Variants in SFMBT2 observed in about 807,000 individuals in gnomAD.
SFMBT2 encodes the protein scm-like with four MBT domains protein 2.
SFMBT2 carries 38 observed loss-of-function variants against 110.1 expected under a neutral mutation model. The ratio of observed to expected loss-of-function variants is 0.35; its 90% CI spans 0.27 to 0.45. The LOEUF is 0.45. SFMBT2 is among the 20% of genes least tolerant of loss of function. SFMBT2 has a pLI of 1.00. For synonymous variants in SFMBT2, 425 were observed against 425.4 expected (o/e 1.00, Z 0.01); for missense variants, 1,011 against 1,094.9 (o/e 0.92, Z 1.08).
chr10:7,376,609 G>A (rs369728699), intron 2 of SFMBT2, among the ~76,000 whole-genome samples: 17 of 142,072 alleles, frequency 1.2e-4, no homozygotes, highest in Middle Eastern at 4.0e-3. Context: ...TGAGGCAGGA[G>A]AATGGCGTGA....
intron 8 of SFMBT2, chr10:7,244,086 C>T: frequency 1.2e-6 from 1 of 830,412 alleles, no homozygotes; most frequent in Non-Finnish European, 1.5e-6. Context: ...TCAGTGTCCA[C>T]AGCCAGCACC....
chr10:7,213,381 A>G (rs577233321), intron 11 of SFMBT2, among the ~76,000 whole-genome samples: 2 of 152,288 alleles, frequency 1.3e-5, no homozygotes, highest in South Asian at 4.1e-4. Flanking sequence ...CTGAAATCAC[A>G]GAGCCAGGGA....
At chr10:7,193,990 A>G (rs1440564743) in intron 15 of SFMBT2, among the ~76,000 whole-genome samples, 1 of 152,128 alleles carries the variant, frequency 6.6e-6, no homozygotes, top group African/African-American at 2.4e-5. Flanking sequence ...GACCCTACTG[A>G]GCATGGACAC....
chr10:7,163,670 C>T lies in SFMBT2; in HGVS notation c.*100G>A, dbSNP rs561170615. ...CTGGTTTTCTGGTGATACTTAGTGG[C>T]TGTACCATTTAACATATCCCGGAAA... On this transcript the variant is annotated 3_prime_UTR_variant, in exon 21 of 21. Transcript: ENST00000397167. This position sits in a 1 kb window ranked among gnomAD's most constrained non-coding sequence, Gnocchi z 4.8. 7 of 1,065,524 alleles carry T rather than the reference C, an allele frequency of 6.6e-6. No homozygotes were observed. The African/African-American group carries it at 1.1e-4, about 17-fold the overall frequency. 66.0% of individuals were successfully genotyped at this position (1,065,524 alleles called of 1,614,324 possible).
chr10:7,164,967 T>C lies in SFMBT2; in HGVS notation c.2545-1057A>G, dbSNP rs550863622. Among the ~76,000 whole-genome samples, 187 of 152,284 alleles carry C rather than the reference T, an allele frequency of 1.2e-3. 1 individual carries two copies. The highest frequency in any genetic ancestry group is 2.4e-3 in the Non-Finnish European group (165 of 68,014). On this transcript the variant is annotated intron_variant, in intron 20 of 20. Coordinates refer to ENST00000397167, the MANE Select transcript of SFMBT2 (RefSeq NM_001387889.1). The stretch of plus-strand genomic sequence containing the variant: ...AGCATACAAAGACCCACTCCAAAGC[T>C]CTAAGACCCTTCCACTGGACATCTC...
intron 11 of SFMBT2, chr10:7,207,459 A>G (rs4748765): frequency 2.7e-3 from 389 of 142,704 alleles, no homozygotes; most frequent in Non-Finnish European, 3.9e-3. Context: ...GAAAGAAAGA[A>G]AAAGAAAGAA....
rs552851890 is a variant in SFMBT2 at position 7,171,907 on chromosome 10, G to A, written c.2403C>T (p.Pro801=). Residue 801 remains proline (P), a synonymous_variant, in exon 19 of 21, where the codon CCC becomes CCT. Coordinates refer to ENST00000397167, the MANE Select transcript of SFMBT2 (RefSeq NM_001387889.1). This position sits in a 1 kb window ranked among gnomAD's most constrained non-coding sequence, Gnocchi z 4.9. ...EEGEKCPPTK[P]EGTEDTKQEE... ...GCCCGGGCATCACCTCTGTCCCCTCGGGCTTGGTCGGCGGGCACTTCTCCC... is the reference window on the plus strand; with the variant it reads ...GCCCGGGCATCACCTCTGTCCCCTCAGGCTTGGTCGGCGGGCACTTCTCCC... 8.0e-5 allele frequency: 115 copies of A among 1,433,990 alleles called. No individual in the cohort carries two copies. In the South Asian group the frequency reaches 9.9e-4, roughly 12 times the overall value. 88.8% of individuals were successfully genotyped at this position (1,433,990 alleles called of 1,614,324 possible).
chr10:7,387,509 G>A (rs7100796), intron 1 of SFMBT2, among the ~76,000 whole-genome samples: 5,750 of 152,034 alleles, frequency 0.038, 367 homozygotes, highest in African/African-American at 0.13. Context: ...GGAATCCCAC[G>A]AAGGACAAGA....
intron 1 of SFMBT2, among the ~76,000 whole-genome samples, chr10:7,400,777 G>C (rs1564476482): frequency 6.6e-6 from 1 of 152,212 alleles, no homozygotes; most frequent in Non-Finnish European, 1.5e-5. Context: ...CACTCAGTTA[G>C]AAAAGCCCTG....
At chr10:7,263,974 T>C in intron 7 of SFMBT2, 1 of 216,304 alleles carries the variant, frequency 4.6e-6, no homozygotes, top group Non-Finnish European at 7.9e-6. Context: ...AAATCTATAA[T>C]CACACTGACA....
Position 7,329,188 on chromosome 10 carries a change from G to C in SFMBT2, c.436+38461C>G, listed in dbSNP as rs151084317. Reference sequence around the variant, plus strand: ...TCACGGACTAAGAAATGTCATGGCTGAGGCTAAAATGACAGCGGACAGATG... The same window carrying C: ...TCACGGACTAAGAAATGTCATGGCTCAGGCTAAAATGACAGCGGACAGATG... On this transcript the variant is annotated intron_variant, in intron 4 of 20. Coordinates refer to ENST00000397167, the MANE Select transcript of SFMBT2 (RefSeq NM_001387889.1). 6.2e-4 allele frequency among the ~76,000 whole-genome samples: 94 copies of C among 152,360 alleles called. No homozygotes were observed. In the East Asian group the frequency reaches 0.017, roughly 27 times the overall value.
intron 2 of SFMBT2, among the ~76,000 whole-genome samples, chr10:7,375,260 G>A (rs1845168839): frequency 6.6e-6 from 1 of 152,170 alleles, no homozygotes; most frequent in Admixed American, 6.5e-5. Context: ...AGTGACGTGA[G>A]AGTGAAAAAT....
At chr10:7,188,450 C>T (rs536521640) in intron 16 of SFMBT2, among the ~76,000 whole-genome samples, 174 bp downstream of exon 16, 5 of 152,260 alleles carry the variant, frequency 3.3e-5, no homozygotes, top group East Asian at 1.9e-4. Flanking sequence ...CTTAAGGCAA[C>T]GCTGTATGGC....
At position 7,304,135 on chromosome 10, in the gene SFMBT2, A is replaced by G. The variant is rs186061649; in HGVS notation, c.437-18181T>C. ...ATGGTTTGGCTATGTCCCCACCCAA[A>G]TCTCATCTTGAACTGTAGCTCCCAC... On this transcript the variant is annotated intron_variant, in intron 4 of 20. Transcript: ENST00000397167. 2.0e-5 allele frequency among the ~76,000 whole-genome samples: 3 copies of G among 152,238 alleles called. No individual in the cohort carries two copies. The East Asian group carries it at 5.8e-4, about 29-fold the overall frequency.
At chr10:7,276,837 T>C (rs1461729361) in intron 7 of SFMBT2, 55 bp downstream of exon 7, 10 of 828,778 alleles carry the variant, frequency 1.2e-5, no homozygotes, top group Non-Finnish European at 2.2e-5. Context: ...GAAAACTTTG[T>C]AGATGATTTT....
chr10:7,168,239 T>G lies in SFMBT2; in HGVS notation c.2544+2689A>C, dbSNP rs138522597. On this transcript the variant is annotated intron_variant, in intron 20 of 20. Transcript: ENST00000397167. The stretch of plus-strand genomic sequence containing the variant: ...ACTTTAGGCTTTTCCCCATACCAGC[T>G]TTGTTTCACTTTCTTGCTTATTACT... Among the ~76,000 whole-genome samples, 951 of 152,346 alleles carry G rather than the reference T, an allele frequency of 6.2e-3. 7 individuals carry two copies. The highest frequency in any genetic ancestry group is 0.02 in the Middle Eastern group (6 of 294).
intron 16 of SFMBT2, among the ~76,000 whole-genome samples, chr10:7,185,243 T>C (rs963889333): frequency 2.0e-5 from 3 of 152,228 alleles, no homozygotes; most frequent in Admixed American, 6.5e-5. Flanking sequence ...GACTGGTTCA[T>C]GGCTTTGCTT....
At chr10:7,224,089 G>T (rs1282749116) in intron 10 of SFMBT2, among the ~76,000 whole-genome samples, 2 of 152,224 alleles carry the variant, frequency 1.3e-5, no homozygotes, top group Non-Finnish European at 2.9e-5. Flanking sequence ...TATTGGGAAT[G>T]AGGCTGATTT....
intron 4 of SFMBT2, among the ~76,000 whole-genome samples, chr10:7,335,600 CA>C (rs1843697979): frequency 6.6e-6 from 1 of 151,536 alleles, no homozygotes; most frequent in Admixed American, 6.6e-5. Context: ...CACACACACA[CA>C]CACACACACA....
Sources: gnomAD v4.1 joint callset for allele counts (sites outside exome capture counted in the v4.1 genomes callset) on GRCh38, gnomAD v4.1.1 for gene constraint, Gnocchi (gnomAD v3.1) non-coding constraint, MANE v1.5 for transcripts, NCBI Gene and HGNC (gene_info 2026-07-23, HGNC 2026-07-21) for gene names.